GPR107: variants seen among roughly 807,000 people sequenced by gnomAD.
GPR107 encodes the protein protein GPR107.
In GPR107, 31 loss-of-function variants were observed where a neutral mutation model predicts 75.5. The observed-to-expected ratio is 0.41, with a 90% CI of 0.31 to 0.55. The LOEUF is 0.55. Among genes scored for constraint, GPR107 ranks in the 20% least tolerant of loss-of-function variants. GPR107 has a pLI of 0.26. For missense variants in GPR107, 572 were observed against 665.7 expected, an observed-to-expected ratio of 0.86 and a Z score of 1.55; for synonymous variants, 267 against 251.3, an observed-to-expected ratio of 1.06 and a Z score of -0.59.
In GPR107 at chr9:130,136,167, A is replaced by T. The variant is rs1439716134; in HGVS notation, c.*1046A>T. ...TCAACAGACTTGGTCCCCATAGTCC[A>T]AGAGTATGTATGTGAAGAAAGTGAG... On this transcript the variant is annotated 3_prime_UTR_variant, in exon 18 of 18. Coordinates refer to ENST00000347136, the MANE Select transcript of GPR107 (RefSeq NM_020960.5). 1.3e-5 allele frequency: 2 copies of T among 152,246 alleles called. No homozygotes were observed. Among genetic ancestry groups the T allele is most frequent in the African/African-American group, 4.8e-5 (2 of 41,466 alleles). The allele number at this position is 152,246 out of a possible 1,614,324, so 9.4% of individuals were successfully genotyped here.
At chr9:130,133,129 A>G (rs1554899438) in intron 17 of GPR107, 1 of 152,188 alleles carries the variant, frequency 6.6e-6, no homozygotes, top group East Asian at 1.9e-4. Flanking sequence ...GTGGAAGACC[A>G]TCTCTTCTCC....
At chr9:130,087,931 C>T (rs542566887) in intron 7 of GPR107, among the ~76,000 whole-genome samples, 1 of 152,118 alleles carries the variant, frequency 6.6e-6, no homozygotes, top group East Asian at 1.9e-4. Context: ...TCTGTGTTTC[C>T]ATCTTCTGCG....
intron 3 of GPR107, 143 bp downstream of exon 3, chr9:130,076,605 C>T: frequency 1.5e-6 from 1 of 651,988 alleles, no homozygotes; most frequent in Admixed American, 2.3e-5. Context: ...ACCTTGACCT[C>T]CCAGGCTTAA....
At chr9:130,110,375 A>G in intron 14 of GPR107, 1 of 1,535,090 alleles carries the variant, frequency 6.5e-7, no homozygotes, top group Non-Finnish European at 8.8e-7. Context: ...ACCAGGTGAC[A>G]GCATGGGACC....
At chr9:130,119,118 A>G (rs996083833) in intron 14 of GPR107, among the ~76,000 whole-genome samples, 1 of 152,226 alleles carries the variant, frequency 6.6e-6, no homozygotes, top group Non-Finnish European at 1.5e-5. Context: ...CTTTGGAAGA[A>G]CAATGGAGGG....
intron 7 of GPR107, among the ~76,000 whole-genome samples, chr9:130,089,874 G>A (rs898451667): frequency 2.0e-5 from 3 of 151,896 alleles, no homozygotes; most frequent in East Asian, 1.9e-4. Flanking sequence ...ATTTTTCCCC[G>A]TTTTTTTAAA....
Position 130,090,798 on chromosome 9 carries a change from TTAAAAGAAAAAA to T in GPR107, c.622-63_622-52del, listed in dbSNP as rs1317498133. The T allele has an allele frequency of 1.1e-4, 65 of 589,274 alleles. 2 individuals are homozygous for T. Among genetic ancestry groups the T allele is most frequent in the South Asian group, 5.4e-4 (23 of 42,510 alleles). The allele number at this position is 589,274 out of a possible 1,614,324, so 36.5% of individuals were successfully genotyped here. On this transcript the variant is annotated intron_variant, in intron 7 of 17. Coordinates refer to ENST00000347136, the MANE Select transcript of GPR107 (RefSeq NM_020960.5). ...TTTGAACAAAAAAGTAAACAATACT[TTAAAAGAAAAAA>T]TAAAAGAAAAAATATATATCGCTGA...
At chr9:130,125,090 CTTTTTTTTT>C (rs11461385) in intron 15 of GPR107, 126 bp downstream of exon 15, 6 of 158,170 alleles carry the variant, frequency 3.8e-5, no homozygotes, top group Non-Finnish European at 6.4e-5. Context: ...GTGTGGCTTG[CTTTTTTTTT>C]TTTTTTTTTT....
Position 130,075,646 on chromosome 9 carries a change from G to C in GPR107, c.152G>C (p.Arg51Thr). The C allele has an allele frequency of 6.4e-7, 1 of 1,552,392 alleles. No individual in the cohort carries two copies. Among genetic ancestry groups the C allele is most frequent in the South Asian group, 1.1e-5 (1 of 89,862 alleles). ...TACAAATCTCTTTAGGATGATGTGA[G>C]GCATAAAGTTCATCTGAACACCTTT... Reference protein sequence around the residue: ...VHHLALKDDVRHKVHLNTFGF... With the variant: ...VHHLALKDDVTHKVHLNTFGF... Residue 51 changes from arginine (R) to threonine (T), a missense_variant, in exon 2 of 18, where the codon AGG (arginine) becomes ACG (threonine). Transcript: ENST00000347136.
intron 3 of GPR107, 39 bp downstream of exon 3, chr9:130,076,501 T>G (rs1217734733): frequency 4.7e-6 from 6 of 1,275,692 alleles, no homozygotes; most frequent in East Asian, 2.3e-5. Context: ...TCTCTTCACC[T>G]GAGCCCAGGC....
intron 1 of GPR107, among the ~76,000 whole-genome samples, chr9:130,074,804 C>G (rs75192171): frequency 0.029 from 4,466 of 151,952 alleles, 92 homozygotes; most frequent in Middle Eastern, 0.041. Flanking sequence ...CTTTATCCTG[C>G]CAATGGGAGG....
intron 1 of GPR107, among the ~76,000 whole-genome samples, chr9:130,059,011 C>T (rs1243887454): frequency 6.6e-6 from 1 of 152,174 alleles, no homozygotes; most frequent in African/African-American, 2.4e-5. Context: ...GTTTTCATTT[C>T]TCTTGGATGA....
chr9:130,063,571 A>G (rs985602168), intron 1 of GPR107, among the ~76,000 whole-genome samples: 1 of 151,868 alleles, frequency 6.6e-6, no homozygotes, highest in Non-Finnish European at 1.5e-5. Flanking sequence ...TCTTTATTCA[A>G]GTTTCCACAC....
chr9:130,123,288 G>A (rs6478948), intron 14 of GPR107, among the ~76,000 whole-genome samples: 69,345 of 151,666 alleles, frequency 0.46, 16,290 homozygotes, highest in East Asian at 0.78. Context: ...CACTGCAACT[G>A]CCATCTCCCA....
intron 11 of GPR107, 38 bp downstream of exon 11, chr9:130,100,740 G>T (rs1268002963): frequency 6.9e-7 from 1 of 1,449,554 alleles, no homozygotes; most frequent in Non-Finnish European, 9.7e-7. Flanking sequence ...ACCATGAAAT[G>T]ACATACAAGA....
chr9:130,089,437 G>T (rs1830682849), intron 7 of GPR107, among the ~76,000 whole-genome samples: 1 of 152,174 alleles, frequency 6.6e-6, no homozygotes, highest in Non-Finnish European at 1.5e-5. Context: ...GTTCTACCCA[G>T]TGTCTCCCAG....
At chr9:130,129,002 C>G in intron 17 of GPR107, 1 of 409,308 alleles carries the variant, frequency 2.4e-6, no homozygotes, top group Non-Finnish European at 4.4e-6. Flanking sequence ...CACTAAGCAT[C>G]ATTGGAGCCT....
chr9:130,092,864 C>A (rs1333850170), intron 9 of GPR107, among the ~76,000 whole-genome samples: 1 of 152,140 alleles, frequency 6.6e-6, no homozygotes. Context: ...CATGATCTGC[C>A]CACATGGGCC....
At chr9:130,092,580 C>G (rs997569871) in intron 9 of GPR107, among the ~76,000 whole-genome samples, 199 bp downstream of exon 9, 2 of 151,660 alleles carry the variant, frequency 1.3e-5, no homozygotes, top group African/African-American at 4.8e-5. Flanking sequence ...CTGTTCACTT[C>G]CTGTTGTTTT....
Sources: gnomAD v4.1 joint callset for allele counts (sites outside exome capture counted in the v4.1 genomes callset) on GRCh38, gnomAD v4.1.1 for gene constraint, MANE v1.5 for transcripts, NCBI Gene and HGNC (gene_info 2026-07-23, HGNC 2026-07-21) for gene names.